The following ADCY9 variants were observed in gnomAD, a reference collection of about 807,000 sequenced individuals.
The protein encoded by ADCY9 is adenylate cyclase type 9.
A neutral mutation model predicts 101.5 loss-of-function variants in ADCY9; 50 were observed. That is an observed-to-expected ratio of 0.49 (90% CI 0.39 to 0.62). ADCY9 has a LOEUF of 0.62. ADCY9 is among the 20% of genes least tolerant of loss of function. The pLI is 0.00. For synonymous variants in ADCY9, 905 were observed against 769.3 expected (o/e 1.18, Z -2.92); for missense variants, 1,662 against 1,800.4 (o/e 0.92, Z 1.39).
intron 9 of ADCY9, among the ~76,000 whole-genome samples, chr16:3,976,405 C>T (rs2056092918): frequency 6.6e-6 from 1 of 152,128 alleles, no homozygotes; most frequent in African/African-American, 2.4e-5. Context: ...CTATCACTGC[C>T]ATCCTGTAAG....
intron 2 of ADCY9, among the ~76,000 whole-genome samples, chr16:4,027,589 C>T (rs1353757328): frequency 6.6e-6 from 1 of 152,074 alleles, no homozygotes; most frequent in Admixed American, 6.6e-5. Flanking sequence ...ATAAAACCAT[C>T]AGATCAACTG....
At chr16:4,070,660 A>G (rs1400434385) in intron 2 of ADCY9, among the ~76,000 whole-genome samples, 1 of 152,154 alleles carries the variant, frequency 6.6e-6, no homozygotes, top group Non-Finnish European at 1.5e-5. Context: ...TTTAAAAAGA[A>G]AAAAGCGAAG....
intron 10 of ADCY9, 90 bp downstream of exon 10, chr16:3,974,579 G>T: frequency 9.6e-7 from 1 of 1,044,538 alleles, no homozygotes; most frequent in Non-Finnish European, 1.5e-6. Context: ...TTTTATTCAA[G>T]ATCCCATTGT....
intron 3 of ADCY9, among the ~76,000 whole-genome samples, chr16:4,003,511 A>G (rs2056345637): frequency 6.7e-6 from 1 of 149,474 alleles, no homozygotes; most frequent in East Asian, 1.9e-4. Context: ...CACCGCACTG[A>G]AGAGGAAAAC....
At chr16:4,004,251 TAA>T (rs71133681) in intron 3 of ADCY9, among the ~76,000 whole-genome samples, 7 of 107,676 alleles carry the variant, frequency 6.5e-5, no homozygotes, top group African/African-American at 1.4e-4. Context: ...CCCATCTCTT[TAA>T]AAAAAAAAAA....
At chr16:4,112,055 T>A (rs758326767) in intron 2 of ADCY9, among the ~76,000 whole-genome samples, 4 of 152,162 alleles carry the variant, frequency 2.6e-5, no homozygotes, top group Admixed American at 1.3e-4. Context: ...TGGGCCAACA[T>A]ATTTAATTTA....
chr16:4,037,134 T>C (rs971032847), intron 2 of ADCY9, among the ~76,000 whole-genome samples: 21 of 151,826 alleles, frequency 1.4e-4, no homozygotes, highest in African/African-American at 4.8e-4. Flanking sequence ...CTGGGCAACA[T>C]AGTGAGACCC....
intron 3 of ADCY9, among the ~76,000 whole-genome samples, chr16:4,005,114 G>C (rs531563935): frequency 6.6e-6 from 1 of 151,998 alleles, no homozygotes; most frequent in Admixed American, 6.6e-5. Flanking sequence ...TCCTCTGAAG[G>C]CCTAGCTACT....
At chr16:4,082,751 C>CGCACACACACCATGCAT (rs1295376854) in intron 2 of ADCY9, among the ~76,000 whole-genome samples, 25 of 152,314 alleles carry the variant, frequency 1.6e-4, no homozygotes, top group Non-Finnish European at 1.5e-4. Flanking sequence ...TGGACGCACA[C>CGCACACACACCATGCAT]GCACACACAC....
At position 4,071,740 on chromosome 16, in the gene ADCY9, A is replaced by G. The variant is rs530254502; in HGVS notation, c.1693+42010T>C. Reference sequence around the variant, plus strand: ...GAAGAACCGAGTTTTAATTTTCATCATGATGCATTTTAGTTGGCTTCTTAA... The same window carrying G: ...GAAGAACCGAGTTTTAATTTTCATCGTGATGCATTTTAGTTGGCTTCTTAA... On this transcript the variant is annotated intron_variant, in intron 2 of 10. Coordinates refer to ENST00000294016, the MANE Select transcript of ADCY9 (RefSeq NM_001116.4). Among the ~76,000 whole-genome samples the G allele has an allele frequency of 6.6e-5, 10 of 152,260 alleles. 1 individual carries two copies. In the South Asian group the frequency reaches 2.1e-3, roughly 32 times the overall value.
Position 3,979,249 on chromosome 16 carries a change from A to G in ADCY9, c.2546T>C (p.Met849Thr). The change falls in exon 8 of 11, where the codon ATG becomes ACG. Residue 849 changes from methionine to threonine, a missense_variant. By Grantham distance (81) the Met-to-Thr change is moderately conservative. Coordinates refer to ENST00000294016, the MANE Select transcript of ADCY9 (RefSeq NM_001116.4). Reference sequence around the variant, plus strand: ...CTCCAGCAGGCGCTTGGTGCAGGCCATGACGTCCTCCAGGAAGAACACCAT... The same window carrying G: ...CTCCAGCAGGCGCTTGGTGCAGGCCGTGACGTCCTCCAGGAAGAACACCAT... ...IRMVFFLEDV[M>T]ACTKRLLEWI... 6.2e-7 allele frequency: 1 copy of G among 1,613,960 alleles called. No individual in the cohort carries two copies. The highest frequency in any genetic ancestry group is 8.5e-7 in the Non-Finnish European group (1 of 1,179,958).
chr16:3,960,379 G>A (rs552193471), downstream of ADCY9, among the ~76,000 whole-genome samples: 1 of 152,122 alleles, frequency 6.6e-6, no homozygotes, highest in East Asian at 1.9e-4. Context: ...AGTTAGCCAG[G>A]CATGGTGGCA....
In ADCY9 at chr16:4,085,361, CA is replaced by C. The variant is rs564050899; in HGVS notation, c.1693+28388del. Among the ~76,000 whole-genome samples the C allele has an allele frequency of 2.0e-4, 31 of 152,116 alleles. No individual in the cohort carries two copies. In the East Asian group the frequency reaches 5.6e-3, roughly 27 times the overall value. On this transcript the variant is annotated intron_variant, in intron 2 of 10. Coordinates refer to ENST00000294016, the MANE Select transcript of ADCY9 (RefSeq NM_001116.4). The stretch of plus-strand genomic sequence containing the variant: ...TGGGCGACAGAGCAAGACTCTGCCT[CA>C]AAAATGAAGGAGAGAGAGAAGGCAC...
In ADCY9 at chr16:3,966,326, G is replaced by C. The variant is rs780753391; in HGVS notation, c.3511C>G (p.Pro1171Ala). 5 of 1,613,996 alleles carry C rather than the reference G, an allele frequency of 3.1e-6. No individual in the cohort carries two copies. The highest frequency in any genetic ancestry group is 4.2e-6 in the Non-Finnish European group (5 of 1,180,038). ...FKLRVGFNHG[P>A]LTAGVIGTTK... ...GTGCCGATGACCCCGGCCGTGAGGGGCCCATGGTTGAAGCCGACGCGGAGC... is the reference window on the plus strand; with the variant it reads ...GTGCCGATGACCCCGGCCGTGAGGGCCCCATGGTTGAAGCCGACGCGGAGC... Residue 1171 changes from proline to alanine, a missense_variant, in exon 11 of 11, where the codon CCC becomes GCC. Physicochemically the swap from Pro to Ala is conservative, Grantham distance 27 (BLOSUM62 -1). Coordinates refer to ENST00000294016, the MANE Select transcript of ADCY9 (RefSeq NM_001116.4).
intron 6 of ADCY9, among the ~76,000 whole-genome samples, chr16:3,987,052 G>T (rs1200751478): frequency 1.3e-5 from 2 of 152,232 alleles, no homozygotes; most frequent in African/African-American, 4.8e-5. Context: ...CAGGCTCTTT[G>T]GTATCTCTAA....
intron 2 of ADCY9, among the ~76,000 whole-genome samples, chr16:4,099,600 G>A (rs1222127994): frequency 6.6e-6 from 1 of 152,160 alleles, no homozygotes; most frequent in Non-Finnish European, 1.5e-5. Flanking sequence ...TGCATGAAGA[G>A]GACTCAGCAG....
intron 6 of ADCY9, among the ~76,000 whole-genome samples, chr16:3,987,694 C>T (rs1330281916): frequency 6.6e-6 from 1 of 152,228 alleles, no homozygotes; most frequent in Non-Finnish European, 1.5e-5. Flanking sequence ...GAGGCATGAA[C>T]TGGCTCTACT....
chr16:4,009,444 T>TG (rs2056388987), intron 2 of ADCY9, among the ~76,000 whole-genome samples: 2 of 152,198 alleles, frequency 1.3e-5, no homozygotes, highest in Admixed American at 6.5e-5. Context: ...TTTTTTGAGA[T>TG]GGGGGTCTCA....
chr16:4,115,721 C>G lies in ADCY9; in HGVS notation c.-75G>C. On this transcript the variant is annotated 5_prime_UTR_variant, in exon 1 of 11. Coordinates refer to ENST00000294016, the MANE Select transcript of ADCY9 (RefSeq NM_001116.4). This position sits in a 1 kb window ranked among gnomAD's most constrained non-coding sequence, Gnocchi z 6.2. The stretch of plus-strand genomic sequence containing the variant: ...CGCCCGGGGGTCCCCGCCGCGTGGC[C>G]GCCGTGGCTCCGGGACCGCTTTGCT... 1 of 424,696 alleles carries G rather than the reference C, an allele frequency of 2.4e-6. No individual in the cohort carries two copies. Among genetic ancestry groups the G allele is most frequent in the Non-Finnish European group, 4.1e-6 (1 of 242,396 alleles). The allele number at this position is 424,696 out of a possible 1,614,324, so 26.3% of individuals were successfully genotyped here. A position where few individuals can be genotyped will look rare whatever the true frequency, so the allele number is the denominator to read the frequency against.
Sources: allele counts gnomAD v4.1 joint callset (sites outside exome capture counted in the v4.1 genomes callset), GRCh38; gene constraint gnomAD v4.1.1; non-coding constraint Gnocchi (gnomAD v3.1); transcripts MANE v1.5; gene names NCBI Gene and HGNC (gene_info 2026-07-23, HGNC 2026-07-21).